The following STX2 variants were observed in gnomAD, a reference collection of about 807,000 sequenced individuals.
STX2 encodes syntaxin-2.
In STX2, 27 loss-of-function variants were observed where a neutral mutation model predicts 40.6. The ratio of observed to expected loss-of-function variants is 0.66; its 90% CI spans 0.49 to 0.92. The LOEUF is 0.92. Among genes scored for constraint, STX2 ranks in the 40% least tolerant of loss-of-function variants. The pLI is 0.00. For missense variants in STX2, 328 were observed against 366.1 expected (o/e 0.90, Z 0.85); for synonymous variants, 123 against 119.1 (o/e 1.03, Z -0.22).
chr12:130,789,824 T>A lies in STX2; in HGVS notation c.*2199A>T, dbSNP rs1294726560. 1 of 152,620 alleles carries A rather than the reference T, an allele frequency of 6.6e-6. No individual in the cohort carries two copies. The highest frequency in any genetic ancestry group is 1.5e-5 in the Non-Finnish European group (1 of 68,036). The allele number at this position is 152,620 out of a possible 1,614,324, so 9.5% of individuals were successfully genotyped here. A position where few individuals can be genotyped will look rare whatever the true frequency, so the allele number is the denominator to read the frequency against. On this transcript the variant is annotated 3_prime_UTR_variant, in exon 11 of 11. Coordinates refer to ENST00000392373, the MANE Select transcript of STX2 (RefSeq NM_194356.4). Reference sequence around the variant, plus strand: ...ACATGAGGCTTAGACATACACATCATTGGACAAGTGACTTAAATATCTAAA... The same window carrying A: ...ACATGAGGCTTAGACATACACATCAATGGACAAGTGACTTAAATATCTAAA...
intron 10 of STX2, among the ~76,000 whole-genome samples, chr12:130,793,524 A>G (rs1174513788): frequency 1.3e-5 from 2 of 152,146 alleles, no homozygotes; most frequent in Non-Finnish European, 2.9e-5. Flanking sequence ...ATGTGTGTGC[A>G]CTTTCCTGCC....
intron 5 of STX2, 98 bp downstream of exon 5, chr12:130,808,533 C>A: frequency 9.6e-7 from 1 of 1,041,194 alleles, no homozygotes. Flanking sequence ...TGAGGATAAG[C>A]ATGACAGTAA....
chr12:130,832,477 A>G (rs1259692762), intron 1 of STX2, among the ~76,000 whole-genome samples: 12 of 152,036 alleles, frequency 7.9e-5, no homozygotes, highest in Non-Finnish European at 1.5e-4. Context: ...CAGCTTCACT[A>G]AACAATGCCA....
chr12:130,826,562 G>A (rs1437659428), intron 2 of STX2, among the ~76,000 whole-genome samples: 1 of 152,160 alleles, frequency 6.6e-6, no homozygotes, highest in African/African-American at 2.4e-5. Context: ...TTAGAACGAT[G>A]ATTTGCATTT....
At chr12:130,833,090 C>T (rs145714838) in intron 1 of STX2, among the ~76,000 whole-genome samples, 94 of 152,312 alleles carry the variant, frequency 6.2e-4, no homozygotes, top group African/African-American at 2.0e-3. Flanking sequence ...CTTTTCACAA[C>T]CCAGGCATTC....
At chr12:130,818,657 A>T (rs1431827099) in intron 3 of STX2, among the ~76,000 whole-genome samples, 4 of 34,992 alleles carry the variant, frequency 1.1e-4, no homozygotes, top group African/African-American at 1.8e-4. Flanking sequence ...GGCGCTGGAG[A>T]TGGAGACGAT....
intron 3 of STX2, among the ~76,000 whole-genome samples, chr12:130,820,753 A>C (rs1173523567): frequency 7.9e-5 from 12 of 152,182 alleles, no homozygotes; most frequent in Admixed American, 5.9e-4. Context: ...GAATAAATAC[A>C]ACGAAAGATG....
intron 3 of STX2, among the ~76,000 whole-genome samples, chr12:130,818,181 A>ATATATATATATATAT (rs1555222320): frequency 5.0e-5 from 1 of 20,190 alleles, no homozygotes; most frequent in African/African-American, 1.8e-4. Flanking sequence ...AAAAAAAAAA[A>ATATATATATATATAT]AAAAATATAT....
chr12:130,827,138 GA>G, intron 2 of STX2, 54 bp downstream of exon 2: 1 of 827,292 alleles, frequency 1.2e-6, no homozygotes. Context: ...GGGGTGGGGG[GA>G]GGGAGGGAGG....
intron 1 of STX2, among the ~76,000 whole-genome samples, chr12:130,829,510 A>G (rs2136346951): frequency 8.9e-6 from 1 of 112,326 alleles, no homozygotes; most frequent in South Asian, 3.9e-4. Flanking sequence ...TGTGCTGCGG[A>G]GCCCCACCAG....
intron 10 of STX2, 123 bp downstream of exon 10, chr12:130,795,872 T>C (rs1554807): frequency 0.65 from 763,367 of 1,172,616 alleles, 255,234 homozygotes; most frequent in East Asian, 0.88. Context: ...TATCACTAGA[T>C]GGCATTATCT....
chr12:130,801,607 T>A, intron 6 of STX2, 119 bp from the exon 7 acceptor site: 10 of 1,109,022 alleles, frequency 9.0e-6, no homozygotes, highest in Non-Finnish European at 1.2e-5. Context: ...GTAATTTTTT[T>A]AACCTTTTCT....
At position 130,797,865 on chromosome 12, in the gene STX2, G is replaced by A. The variant is rs139196354; in HGVS notation, c.786+660C>T. ...GTGCTACCTAAGACTGCAGGTCCAC[G>A]GTCTCAAATAATTCTCTTCTTTCCT... On this transcript the variant is annotated intron_variant, in intron 9 of 10. Coordinates refer to ENST00000392373, the MANE Select transcript of STX2 (RefSeq NM_194356.4). Among the ~76,000 whole-genome samples the A allele has an allele frequency of 3.7e-3, 561 of 152,270 alleles. 3 individuals carry two copies. Among genetic ancestry groups the A allele is most frequent in the Non-Finnish European group, 4.1e-3 (280 of 68,026 alleles).
At chr12:130,831,763 T>C (rs967107984) in intron 1 of STX2, among the ~76,000 whole-genome samples, 3 of 152,188 alleles carry the variant, frequency 2.0e-5, no homozygotes, top group African/African-American at 7.2e-5. Context: ...TGTTATACTT[T>C]TTTATTTTTT....
intron 3 of STX2, among the ~76,000 whole-genome samples, chr12:130,814,497 G>A (rs1951783078): frequency 6.6e-6 from 1 of 152,104 alleles, no homozygotes; most frequent in Non-Finnish European, 1.5e-5. Context: ...GGCGTGGGAG[G>A]AGGCCAACTA....
chr12:130,796,351 G>A (rs751650018), intron 9 of STX2, among the ~76,000 whole-genome samples: 19 of 152,066 alleles, frequency 1.2e-4, no homozygotes, highest in African/African-American at 3.4e-4. Context: ...AAAACCAGCC[G>A]GGCGTGGGTC....
chr12:130,829,960 C>G (rs572073696), intron 1 of STX2, among the ~76,000 whole-genome samples: 1 of 152,348 alleles, frequency 6.6e-6, no homozygotes, highest in Admixed American at 6.5e-5. Context: ...CATCTCACAC[C>G]TCCCTGCTCT....
At chr12:130,813,943 G>C (rs115154478) in intron 3 of STX2, among the ~76,000 whole-genome samples, 1 of 152,196 alleles carries the variant, frequency 6.6e-6, no homozygotes, top group Non-Finnish European at 1.5e-5. Flanking sequence ...AAAGGCAAAC[G>C]TTTCTGCCGT....
At chr12:130,825,063 G>A (rs1022439408) in intron 2 of STX2, among the ~76,000 whole-genome samples, 96 of 130,600 alleles carry the variant, frequency 7.4e-4, no homozygotes, top group Middle Eastern at 4.1e-3. Flanking sequence ...TTTTTTTGTC[G>A]CCCAAGCTGT....
Sources: allele counts gnomAD v4.1 joint callset (sites outside exome capture counted in the v4.1 genomes callset), GRCh38; gene constraint gnomAD v4.1.1; transcripts MANE v1.5; gene names NCBI Gene and HGNC (gene_info 2026-07-23, HGNC 2026-07-21).